ANKRD11: variants seen among roughly 807,000 people sequenced by gnomAD.
ANKRD11 encodes ankyrin repeat domain-containing protein 11.
Under a neutral mutation model 195.7 loss-of-function variants are expected in ANKRD11, and 17 were observed. The ratio of observed to expected loss-of-function variants is 0.09; its 90% confidence interval spans 0.06 to 0.13. The LOEUF (loss-of-function observed/expected upper bound fraction) is 0.13, where lower values mean the gene tolerates loss of function less well. Ranked by LOEUF, ANKRD11 falls within the 10% of genes least tolerant of loss-of-function variation. ANKRD11 has a pLI of 1.00. For synonymous variants in ANKRD11, 1,953 were observed against 1,528.1 expected (o/e 1.28, Z -6.49); for missense variants, 3,735 against 3,566.1 (o/e 1.05, Z -1.21).
At chr16:89,289,023 A>C (rs1260969237) in intron 6 of ANKRD11, 2 of 358,228 alleles carry the variant, frequency 5.6e-6, no homozygotes, top group Non-Finnish European at 1.1e-5. Context: ...GCCTTTGCAA[A>C]ACACGGAGGG....
chr16:89,388,099 G>A (rs1012349587), intron 2 of ANKRD11, among the ~76,000 whole-genome samples: 9 of 151,660 alleles, frequency 5.9e-5, no homozygotes, highest in African/African-American at 1.5e-4. Flanking sequence ...ATAGTTCAGA[G>A]TCCCTGTACA....
intron 1 of ANKRD11, among the ~76,000 whole-genome samples, chr16:89,449,993 G>C (rs182548212): frequency 1.1e-4 from 16 of 152,302 alleles, no homozygotes; most frequent in Admixed American, 7.2e-4. Flanking sequence ...CCCTGCCTAA[G>C]CACTGGGGAG....
chr16:89,450,282 C>G (rs2044010430), intron 1 of ANKRD11, among the ~76,000 whole-genome samples: 1 of 152,072 alleles, frequency 6.6e-6, no homozygotes, highest in African/African-American at 2.4e-5. Context: ...ACTTAAAATT[C>G]AAGTACCTAA....
intron 2 of ANKRD11, among the ~76,000 whole-genome samples, chr16:89,319,288 T>G (rs2037157942): frequency 1.3e-5 from 2 of 152,340 alleles, no homozygotes; most frequent in South Asian, 4.1e-4. Context: ...CTGAGACACC[T>G]GATTCTCTTC....
At chr16:89,476,051 C>CAAAAAAAAAAAAAAAAAAAAAAAAAAA (rs558174138) in intron 1 of ANKRD11, among the ~76,000 whole-genome samples, 1 of 66,246 alleles carries the variant, frequency 1.5e-5, no homozygotes, top group African/African-American at 5.9e-5. Context: ...GACTGTGTCT[C>CAAAAAAAAAAAAAAAAAAAAAAAAAAA]AAAAAAAAAA....
intron 2 of ANKRD11, among the ~76,000 whole-genome samples, chr16:89,398,518 A>G (rs1418485804): frequency 1.3e-5 from 2 of 152,232 alleles, no homozygotes; most frequent in Non-Finnish European, 2.9e-5. Context: ...GGAGTGTGAG[A>G]CCAGCCTGGG....
intron 1 of ANKRD11, among the ~76,000 whole-genome samples, chr16:89,429,229 C>A (rs1041275775): frequency 9.9e-6 from 1 of 100,796 alleles, no homozygotes; most frequent in Non-Finnish European, 2.2e-5. Flanking sequence ...TCAACTCTCA[C>A]GCTCAGACGT....
intron 1 of ANKRD11, among the ~76,000 whole-genome samples, chr16:89,445,801 C>T (rs1189939938): frequency 2.0e-5 from 3 of 151,640 alleles, no homozygotes; most frequent in Non-Finnish European, 2.9e-5. Flanking sequence ...ATGGAGAAAC[C>T]CCGTCTCTAC....
At chr16:89,446,115 A>G (rs1218549630) in intron 1 of ANKRD11, among the ~76,000 whole-genome samples, 1 of 152,172 alleles carries the variant, frequency 6.6e-6, no homozygotes, top group African/African-American at 2.4e-5. Context: ...TAAAAAAAAA[A>G]AACTGTTTAA....
chr16:89,348,174 C>T (rs971244271), intron 2 of ANKRD11, among the ~76,000 whole-genome samples: 1 of 152,108 alleles, frequency 6.6e-6, no homozygotes, highest in African/African-American at 2.4e-5. Flanking sequence ...TCAAACAGTC[C>T]TCCCATCTCA....
rs751250397 is a variant in ANKRD11 at position 89,284,201 on chromosome 16, CATT to C, written c.2338_2340del (p.Asn780del). 1.3e-5 allele frequency: 21 copies of C among 1,611,172 alleles called. No homozygotes were observed. The highest frequency in any genetic ancestry group is 3.3e-4 in the Middle Eastern group (2 of 6,044). ...TTTGAAATTTTGTCCTCTTTTAAAT[CATT>C]CTTCTTCTCTAATTTTGAGGGCCGG... On this transcript the variant is annotated inframe_deletion, in exon 9 of 13. Coordinates refer to ENST00000301030, the MANE Select transcript of ANKRD11 (RefSeq NM_013275.6).
intron 1 of ANKRD11, among the ~76,000 whole-genome samples, chr16:89,487,530 C>A (rs941004975): frequency 6.6e-6 from 1 of 152,164 alleles, no homozygotes; most frequent in Non-Finnish European, 1.5e-5. Context: ...AATCCCAGCA[C>A]TTTGGGAGGC....
chr16:89,453,809 CTG>C (rs1349302883), intron 1 of ANKRD11, among the ~76,000 whole-genome samples: 1 of 152,146 alleles, frequency 6.6e-6, no homozygotes, highest in African/African-American at 2.4e-5. Flanking sequence ...TAAAACATGA[CTG>C]GAGACAGAAC....
In ANKRD11 at chr16:89,284,754, C is replaced by G; in HGVS notation, c.1788G>C (p.Gln596His). 6.2e-7 allele frequency: 1 copy of G among 1,613,598 alleles called. No homozygotes were observed. Among genetic ancestry groups the G allele is most frequent in the Non-Finnish European group, 8.5e-7 (1 of 1,179,974 alleles). Residue 596 changes from glutamine (Q) to histidine (H), a missense_variant, in exon 9 of 13, where the codon CAG (glutamine) becomes CAC (histidine). Transcript: ENST00000301030. ...ACAGGGAGGCTCGCTTCCTGTGCTC[C>G]TGCCTCTTCCTCACTGGCTTCAGCG... Reference protein sequence around the residue: ...VESLKPVRKRQEHRKRASLSE... With the variant: ...VESLKPVRKRHEHRKRASLSE...
chr16:89,334,726 C>T (rs1181963138), intron 2 of ANKRD11, among the ~76,000 whole-genome samples: 1 of 152,066 alleles, frequency 6.6e-6, no homozygotes, highest in Non-Finnish European at 1.5e-5. Context: ...AGGCCGCCAA[C>T]CACGTCATAC....
rs1029053693 is a variant in ANKRD11, at chr16:89,459,943, G to GA, written c.-145+30301dup. On this transcript the variant is annotated intron_variant, in intron 1 of 12. Transcript: ENST00000301030. ...GCAAGACCCTGTATCCAAAAAAAAAGAAAAAAAAAAGGCCAGGTGCGGTGG... is the reference window on the plus strand; with the variant it reads ...GCAAGACCCTGTATCCAAAAAAAAAGAAAAAAAAAAAGGCCAGGTGCGGTGG... Among the ~76,000 whole-genome samples the GA allele has an allele frequency of 3.0e-3, 422 of 140,790 alleles. 2 individuals carry two copies. The highest frequency in any genetic ancestry group is 6.0e-3 in the African/African-American group (230 of 38,062). 92.4% of individuals were successfully genotyped at this position (140,790 alleles called of 152,430 possible).
At chr16:89,343,505 G>C (rs1009586113) in intron 2 of ANKRD11, among the ~76,000 whole-genome samples, 1 of 152,312 alleles carries the variant, frequency 6.6e-6, no homozygotes, top group South Asian at 2.1e-4. Context: ...GAGTGAGTGA[G>C]CGAGCAAATG....
intron 2 of ANKRD11, among the ~76,000 whole-genome samples, chr16:89,334,893 C>T (rs765229688): frequency 6.6e-6 from 1 of 152,102 alleles, no homozygotes; most frequent in Non-Finnish European, 1.5e-5. Context: ...AGTGTGTCTG[C>T]TGTGGCCTTC....
chr16:89,290,569 G>A, intron 6 of ANKRD11, 56 bp downstream of exon 6: 2 of 1,593,368 alleles, frequency 1.3e-6, no homozygotes, highest in Non-Finnish European at 1.7e-6. Context: ...CTCCACTGGG[G>A]GAGGCTCAGG....
Sources: allele counts gnomAD v4.1 joint callset (sites outside exome capture counted in the v4.1 genomes callset), GRCh38; gene constraint gnomAD v4.1.1; transcripts MANE v1.5; gene names NCBI Gene and HGNC (gene_info 2026-07-23, HGNC 2026-07-21).